Variants in SLC25A21 observed in about 807,000 individuals in gnomAD.
The protein encoded by SLC25A21 is solute carrier family 25 member 21.
A neutral mutation model predicts 43.8 loss-of-function variants in SLC25A21; 47 were observed. The ratio of observed to expected loss-of-function variants is 1.07; its 90% CI spans 0.85 to 1.37. The LOEUF (loss-of-function observed/expected upper bound fraction) is 1.37. Ranked by LOEUF, SLC25A21 falls within the 40% of genes most tolerant of loss-of-function variation. The pLI, the probability that SLC25A21 is intolerant of heterozygous loss-of-function variation, is 0.00. For missense variants in SLC25A21, 352 were observed against 350.2 expected (o/e 1.00, Z -0.04); for synonymous variants, 131 against 121.3 (o/e 1.08, Z -0.52).
intron 1 of SLC25A21, among the ~76,000 whole-genome samples, chr14:36,990,929 C>A (rs992129657): frequency 2.6e-5 from 4 of 151,976 alleles, no homozygotes; most frequent in African/African-American, 4.8e-5. Context: ...CAGTCATGTT[C>A]CCAAGCTCTT....
chr14:36,918,725 T>A (rs547637932), intron 1 of SLC25A21, among the ~76,000 whole-genome samples: 69 of 151,936 alleles, frequency 4.5e-4, no homozygotes, highest in Non-Finnish European at 7.8e-4. Flanking sequence ...AACCCAACTA[T>A]AAAAATAGAA....
chr14:37,145,476 CAG>C (rs35649306), intron 1 of SLC25A21, among the ~76,000 whole-genome samples: 19 of 143,676 alleles, frequency 1.3e-4, no homozygotes, highest in African/African-American at 3.9e-4. Flanking sequence ...CACACACACA[CAG>C]AGAGATGAGC....
chr14:36,862,350 G>A (rs1291632352), intron 2 of SLC25A21, among the ~76,000 whole-genome samples: 2 of 152,152 alleles, frequency 1.3e-5, no homozygotes, highest in Non-Finnish European at 1.5e-5. Context: ...CAAAGACTTG[G>A]AACCAACCCA....
intron 1 of SLC25A21, among the ~76,000 whole-genome samples, chr14:37,133,486 A>C (rs1352675129): frequency 1.3e-5 from 2 of 151,578 alleles, no homozygotes; most frequent in Non-Finnish European, 1.5e-5. Context: ...GCCCTAACTT[A>C]AGTTTTCATC....
chr14:36,718,645 T>C (rs1375985693), intron 6 of SLC25A21, among the ~76,000 whole-genome samples: 2 of 152,338 alleles, frequency 1.3e-5, no homozygotes, highest in Non-Finnish European at 1.5e-5. Flanking sequence ...CTTTGTGATA[T>C]CATACACGAT....
At chr14:36,752,698 C>A (rs375606232) in intron 3 of SLC25A21, among the ~76,000 whole-genome samples, 3 of 152,246 alleles carry the variant, frequency 2.0e-5, no homozygotes, top group East Asian at 3.9e-4. Flanking sequence ...ATTGTAGCTC[C>A]CATAATCCCC....
chr14:36,791,560 T>A (rs1175453739), intron 3 of SLC25A21, among the ~76,000 whole-genome samples: 3 of 152,182 alleles, frequency 2.0e-5, no homozygotes, highest in East Asian at 3.8e-4. Context: ...AAAGATACTT[T>A]TTCAAACAAT....
chr14:36,818,954 A>T (rs143410402), intron 2 of SLC25A21, among the ~76,000 whole-genome samples: 23 of 152,330 alleles, frequency 1.5e-4, no homozygotes, highest in African/African-American at 5.3e-4. Context: ...TCTTGATTGC[A>T]TTTAGAAGAC....
chr14:37,128,536 C>CTGTGTGTG (rs780961992), intron 1 of SLC25A21, among the ~76,000 whole-genome samples: 1,195 of 86,818 alleles, frequency 0.014, 17 homozygotes, highest in African/African-American at 0.048. Context: ...CTCTCTCTCT[C>CTGTGTGTG]TCTGTGTGTG....
intron 1 of SLC25A21, among the ~76,000 whole-genome samples, chr14:37,027,539 T>G (rs1961118905): frequency 6.6e-6 from 1 of 152,168 alleles, no homozygotes; most frequent in Non-Finnish European, 1.5e-5. Context: ...CTCTTTTCCC[T>G]GAGCTGAAGC....
intron 1 of SLC25A21, among the ~76,000 whole-genome samples, chr14:37,092,214 T>A (rs1032858884): frequency 3.3e-5 from 5 of 152,152 alleles, no homozygotes; most frequent in Admixed American, 3.3e-4. Flanking sequence ...AGCCACAGAA[T>A]TCCTTGTAAC....
chr14:36,903,880 T>C (rs1891464080), intron 1 of SLC25A21, among the ~76,000 whole-genome samples: 1 of 152,080 alleles, frequency 6.6e-6, no homozygotes, highest in Non-Finnish European at 1.5e-5. Context: ...TGATTCTAAA[T>C]CGAACTAAGC....
intron 1 of SLC25A21, among the ~76,000 whole-genome samples, chr14:37,132,330 G>A (rs1963405422): frequency 6.6e-6 from 1 of 152,124 alleles, no homozygotes. Flanking sequence ...CACAAGCAGA[G>A]GAGCTGGAAT....
chr14:37,046,549 T>C (rs759871060), intron 1 of SLC25A21, among the ~76,000 whole-genome samples: 4 of 152,206 alleles, frequency 2.6e-5, no homozygotes, highest in South Asian at 2.1e-4. Context: ...CCTACGGTCA[T>C]GTTGATAATA....
intron 1 of SLC25A21, among the ~76,000 whole-genome samples, chr14:36,908,265 T>C (rs1891588348): frequency 6.6e-6 from 1 of 152,158 alleles, no homozygotes; most frequent in East Asian, 1.9e-4. Flanking sequence ...CTGTGACAAA[T>C]GTACTACTCC....
intron 1 of SLC25A21, among the ~76,000 whole-genome samples, chr14:36,979,961 C>T (rs190441327): frequency 7.3e-4 from 111 of 152,238 alleles, no homozygotes; most frequent in Middle Eastern, 3.4e-3. Flanking sequence ...AGGGCAGGGA[C>T]AGGATCCTAG....
intron 1 of SLC25A21, among the ~76,000 whole-genome samples, chr14:37,104,615 T>C (rs1962878039): frequency 6.6e-6 from 1 of 152,232 alleles, no homozygotes; most frequent in Non-Finnish European, 1.5e-5. Context: ...ACCATGATAC[T>C]GTGATAAGGG....
intron 3 of SLC25A21, among the ~76,000 whole-genome samples, chr14:36,750,083 T>C (rs1369996191): frequency 6.6e-6 from 1 of 152,222 alleles, no homozygotes; most frequent in African/African-American, 2.4e-5. Context: ...AAATATTTGT[T>C]GACTGGAAGG....
intron 7 of SLC25A21, among the ~76,000 whole-genome samples, chr14:36,699,871 G>A (rs1023163860): frequency 1.3e-5 from 2 of 152,180 alleles, no homozygotes; most frequent in Admixed American, 6.6e-5. Flanking sequence ...CCTTGGCTAG[G>A]AAAGGGAAAT....
Sources: gnomAD v4.1 joint callset for allele counts (sites outside exome capture counted in the v4.1 genomes callset) on GRCh38, gnomAD v4.1.1 for gene constraint, MANE v1.5 for transcripts, NCBI Gene and HGNC (gene_info 2026-07-23, HGNC 2026-07-21) for gene names.